Variants in PTN observed in about 807,000 individuals in gnomAD.
The protein encoded by PTN is pleiotrophin.
A neutral mutation model predicts 24.1 loss-of-function variants in PTN; 18 were observed. The ratio of observed to expected loss-of-function variants is 0.75; its 90% CI spans 0.52 to 1.11. The LOEUF (loss-of-function observed/expected upper bound fraction) is 1.11, where lower values mean the gene tolerates loss of function less well. Ranked by LOEUF, PTN falls within the 50% of genes least tolerant of loss-of-function variation. PTN has a pLI of 0.00. For synonymous variants in PTN, 78 were observed against 68.6 expected, an observed-to-expected ratio of 1.14 and a Z score of -0.67; for missense variants, 163 against 198.8, an observed-to-expected ratio of 0.82 and a Z score of 1.08.
intron 1 of PTN, among the ~76,000 whole-genome samples, chr7:137,331,501 C>G (rs192733491): frequency 6.6e-6 from 1 of 152,284 alleles, no homozygotes; most frequent in Non-Finnish European, 1.5e-5. Flanking sequence ...ATGTGGTGGT[C>G]AAACCCAAAT....
intron 1 of PTN, among the ~76,000 whole-genome samples, chr7:137,314,324 C>A (rs1247647766): frequency 6.6e-6 from 1 of 152,134 alleles, no homozygotes; most frequent in Non-Finnish European, 1.5e-5. Context: ...TATTAACTTA[C>A]TTTGTTCCAT....
intron 1 of PTN, among the ~76,000 whole-genome samples, chr7:137,330,231 A>G (rs1810328959): frequency 6.6e-6 from 1 of 152,068 alleles, no homozygotes; most frequent in South Asian, 2.1e-4. Context: ...GGTTGCAGTG[A>G]GCTGAAATCG....
In PTN at chr7:137,283,952, A is replaced by ATTTTTTTTTT. The variant is rs753374720; in HGVS notation, c.-1-28988_-1-28979dup. On this transcript the variant is annotated intron_variant, in intron 1 of 4. Transcript: ENST00000348225. ...AAATGAATGTGAAAATGAGCATCAG[A>ATTTTTTTTTT]TTTTTTTTTTTTTTTTTTTTTTTTT... Among the ~76,000 whole-genome samples, 71 of 48,922 alleles carry ATTTTTTTTTT rather than the reference A, an allele frequency of 1.5e-3. 19 individuals are homozygous for ATTTTTTTTTT. The highest frequency in any genetic ancestry group is 4.6e-3 in the South Asian group (5 of 1,078). 32.1% of individuals were successfully genotyped at this position (48,922 alleles called of 152,430 possible).
intron 4 of PTN, among the ~76,000 whole-genome samples, chr7:137,241,802 T>A (rs1385667159): frequency 6.6e-6 from 1 of 152,168 alleles, no homozygotes; most frequent in Non-Finnish European, 1.5e-5. Context: ...TTTCCTCTGA[T>A]CAAGAGGAAC....
chr7:137,279,245 G>T (rs1157413717), intron 1 of PTN, among the ~76,000 whole-genome samples: 1 of 152,086 alleles, frequency 6.6e-6, no homozygotes, highest in African/African-American at 2.4e-5. Context: ...ATGCAAGGTT[G>T]ATTTAACAAT....
Position 137,319,523 on chromosome 7 carries a change from G to A in PTN, c.-2+23916C>T, listed in dbSNP as rs1187754840. ...TCTTTGTCACTTCACCAAGACCACA[G>A]TCCTCCTTGTTTAGCTGGCAGATCG... On this transcript the variant is annotated intron_variant, in intron 1 of 4. Transcript: ENST00000348225. Among the ~76,000 whole-genome samples the A allele has an allele frequency of 9.2e-5, 14 of 152,168 alleles. 1 individual carries two copies. The highest frequency in any genetic ancestry group is 9.2e-4 in the Admixed American group (14 of 15,278).
At chr7:137,250,873 G>A (rs1438901039) in intron 4 of PTN, among the ~76,000 whole-genome samples, 1 of 152,172 alleles carries the variant, frequency 6.6e-6, no homozygotes. Flanking sequence ...ATTTAAAATT[G>A]TCTCCGTCAT....
At chr7:137,297,173 A>C (rs141508000) in intron 1 of PTN, among the ~76,000 whole-genome samples, 1 of 152,164 alleles carries the variant, frequency 6.6e-6, no homozygotes, top group Non-Finnish European at 1.5e-5. Context: ...CATGTTATAA[A>C]ATAGTACATG....
intron 1 of PTN, among the ~76,000 whole-genome samples, chr7:137,260,707 T>A (rs1211222431): frequency 6.6e-6 from 1 of 152,144 alleles, no homozygotes; most frequent in Admixed American, 6.5e-5. Flanking sequence ...AGCTGCAAAT[T>A]GGCAGTTGGA....
intron 4 of PTN, among the ~76,000 whole-genome samples, chr7:137,237,626 T>C (rs1808547046): frequency 6.6e-6 from 1 of 152,204 alleles, no homozygotes; most frequent in Non-Finnish European, 1.5e-5. Context: ...TGCTCACCAG[T>C]GATTTCACAA....
In PTN at chr7:137,261,776, T is replaced by G. The variant is rs139244264; in HGVS notation, c.-1-6802A>C. On this transcript the variant is annotated intron_variant, in intron 1 of 4. Coordinates refer to ENST00000348225, the MANE Select transcript of PTN (RefSeq NM_002825.7). ...TGATTAGGCAAAAGGTATAATCTAG[T>G]GCTAACAACAGGCTGAATGAGGAAA... 6.6e-5 allele frequency among the ~76,000 whole-genome samples: 10 copies of G among 152,276 alleles called. No homozygotes were observed. In the East Asian group the frequency reaches 1.5e-3, roughly 24 times the overall value.
chr7:137,254,824 A>G (rs529925609), intron 2 of PTN, 35 bp downstream of exon 2: 2 of 1,411,420 alleles, frequency 1.4e-6, no homozygotes, highest in East Asian at 2.3e-5. Flanking sequence ...ACATTAATCA[A>G]TGAAGCATCT....
chr7:137,331,914 C>A (rs538953700), intron 1 of PTN, among the ~76,000 whole-genome samples: 40 of 152,330 alleles, frequency 2.6e-4, no homozygotes, highest in African/African-American at 4.6e-4. Context: ...TCTGCAAGGA[C>A]AAAGACTTTT....
intron 1 of PTN, among the ~76,000 whole-genome samples, chr7:137,340,543 G>A (rs1456586856): frequency 6.6e-6 from 1 of 152,178 alleles, no homozygotes; most frequent in Non-Finnish European, 1.5e-5. Flanking sequence ...ATTGACTCTG[G>A]ATGGAAAAAA....
At position 137,311,930 on chromosome 7, in the gene PTN, A is replaced by C. The variant is rs555844445; in HGVS notation, c.-2+31509T>G. Among the ~76,000 whole-genome samples, 14 of 128,952 alleles carry C rather than the reference A, an allele frequency of 1.1e-4. 1 individual carries two copies. Among genetic ancestry groups the C allele is most frequent in the African/African-American group, 5.5e-4 (11 of 19,936 alleles). 84.6% of individuals were successfully genotyped at this position (128,952 alleles called of 152,430 possible). A position where few individuals can be genotyped will look rare whatever the true frequency, so the allele number is the denominator to read the frequency against. On this transcript the variant is annotated intron_variant, in intron 1 of 4. Transcript: ENST00000348225. ...TGGTGCTGATAGACTTGCTCAATGC[A>C]GGGTTACCACAGATCTTCCATCTGT...
chr7:137,302,133 G>A (rs1809816034), intron 1 of PTN, among the ~76,000 whole-genome samples: 1 of 151,862 alleles, frequency 6.6e-6, no homozygotes, highest in African/African-American at 2.4e-5. Context: ...AGTAATTTAT[G>A]GCTTAAAAAG....
intron 1 of PTN, among the ~76,000 whole-genome samples, chr7:137,333,086 C>T (rs1810385531): frequency 6.6e-6 from 1 of 152,106 alleles, no homozygotes. Context: ...AATGCCCTCC[C>T]TGGTGGGTTT....
rs189982395 is a variant in PTN, at chr7:137,315,329, G to C, written c.-2+28110C>G. On this transcript the variant is annotated intron_variant, in intron 1 of 4. Coordinates refer to ENST00000348225, the MANE Select transcript of PTN (RefSeq NM_002825.7). ...ACTGTGGTGTGGGATGGATTCTCCT[G>C]AATGTCCCAGAACACTTACACGAAA... 1.1e-3 allele frequency among the ~76,000 whole-genome samples: 159 copies of C among 151,384 alleles called. 2 individuals are homozygous for C. The Middle Eastern group carries it at 0.014, about 13-fold the overall frequency.
At chr7:137,304,859 G>A (rs13245911) in intron 1 of PTN, among the ~76,000 whole-genome samples, 77,599 of 151,762 alleles carry the variant, frequency 0.51, 20,511 homozygotes, top group South Asian at 0.68. Flanking sequence ...CAGAAAAAAG[G>A]CATTTGCTAA....
Sources: allele counts gnomAD v4.1 joint callset (sites outside exome capture counted in the v4.1 genomes callset), GRCh38; gene constraint gnomAD v4.1.1; transcripts MANE v1.5; gene names NCBI Gene and HGNC (gene_info 2026-07-23, HGNC 2026-07-21).